MDGA1: variants seen among roughly 807,000 people sequenced by gnomAD.
MDGA1 encodes the protein MAM domain-containing glycosylphosphatidylinositol anchor protein 1.
A neutral mutation model predicts 101.5 loss-of-function variants in MDGA1; 54 were observed. That is an observed-to-expected ratio of 0.53 (90% CI 0.43 to 0.67). The LOEUF (loss-of-function observed/expected upper bound fraction) is 0.67. MDGA1 is among the 30% of genes least tolerant of loss of function. The pLI is 0.00. For missense variants in MDGA1, 1,083 were observed against 1,323.8 expected (o/e 0.82, Z 2.82); for synonymous variants, 533 against 558.3 (o/e 0.95, Z 0.64).
rs370135126 is a variant in MDGA1 at position 37,643,951 on chromosome 6, G to A, written c.2402-8C>T. The A allele has an allele frequency of 7.3e-5, 117 of 1,613,322 alleles. 1 individual carries two copies. In the Middle Eastern group the frequency reaches 1.7e-3, roughly 23 times the overall value. On this transcript the variant is annotated splice_region_variant and splice_polypyrimidine_tract_variant and intron_variant, in intron 13 of 16. Transcript: ENST00000434837. Reference sequence around the variant, plus strand: ...CGATGAACATGTAGTAGCCTGCGGGGAATGGGGAGATGCGCCAACAGCCCC... The same window carrying A: ...CGATGAACATGTAGTAGCCTGCGGGAAATGGGGAGATGCGCCAACAGCCCC...
intron 5 of MDGA1, 128 bp downstream of exon 5, chr6:37,654,672 C>G: frequency 6.5e-7 from 1 of 1,540,854 alleles, no homozygotes. Context: ...GAAGACGGAG[C>G]AGGAAGAGGA....
chr6:37,696,843 GGC>G lies in MDGA1; in HGVS notation c.-34_-33del. 6.5e-7 allele frequency: 1 copy of G among 1,550,258 alleles called. No homozygotes were observed. The highest frequency in any genetic ancestry group is 8.7e-7 in the Non-Finnish European group (1 of 1,145,166). ...GGCCGGTGCTTCATCCCCGCGAGGC[GGC>G]GCAGCCCGAGAGGCGGCGGGGGGCG... On this transcript the variant is annotated 5_prime_UTR_variant, in exon 1 of 17. It removes the in-frame stop codon of an upstream open reading frame in the 5' UTR. Transcript: ENST00000434837. This position sits in a 1 kb window ranked among gnomAD's most constrained non-coding sequence, Gnocchi z 5.6.
At position 37,696,857 on chromosome 6, in the gene MDGA1, G is replaced by A. The variant is rs1581640845; in HGVS notation, c.-46C>T. 6.6e-7 allele frequency: 1 copy of A among 1,510,290 alleles called. No individual in the cohort carries two copies. The highest frequency in any genetic ancestry group is 9.0e-7 in the Non-Finnish European group (1 of 1,110,806). 93.6% of individuals were successfully genotyped at this position (1,510,290 alleles called of 1,614,324 possible). ...CCCCGCGAGGCGGCGCAGCCCGAGAGGCGGCGGGGGGCGCATTCGCCGGGG... is the reference window on the plus strand; with the variant it reads ...CCCCGCGAGGCGGCGCAGCCCGAGAAGCGGCGGGGGGCGCATTCGCCGGGG... On this transcript the variant is annotated 5_prime_UTR_variant, in exon 1 of 17. Coordinates refer to ENST00000434837, the MANE Select transcript of MDGA1 (RefSeq NM_153487.4). This position sits in a 1 kb window ranked among gnomAD's most constrained non-coding sequence, Gnocchi z 5.6.
At chr6:37,668,770 C>T (rs1241147564) in intron 1 of MDGA1, among the ~76,000 whole-genome samples, 2 of 152,180 alleles carry the variant, frequency 1.3e-5, no homozygotes, top group Non-Finnish European at 2.9e-5. Flanking sequence ...GGCCTAACAC[C>T]GATTGCCCTT....
At position 37,638,877 on chromosome 6, in the gene MDGA1, A is replaced by G; in HGVS notation, c.2537-210T>C. 1 of 610,402 alleles carries G rather than the reference A, an allele frequency of 1.6e-6. No individual in the cohort carries two copies. Among genetic ancestry groups the G allele is most frequent in the South Asian group, 2.1e-5 (1 of 47,762 alleles). The allele number at this position is 610,402 out of a possible 1,614,324, so 37.8% of individuals were successfully genotyped here. On this transcript the variant is annotated intron_variant, in intron 14 of 16. Coordinates refer to ENST00000434837, the MANE Select transcript of MDGA1 (RefSeq NM_153487.4). This position sits in a 1 kb window ranked among gnomAD's most constrained non-coding sequence, Gnocchi z 4.8. ...GAAGACTTCAGCAGGATTTCATTTCATCAGGATGACTTGCAAATTTTCTTT... is the reference window on the plus strand; with the variant it reads ...GAAGACTTCAGCAGGATTTCATTTCGTCAGGATGACTTGCAAATTTTCTTT...
rs1763916371 is a variant in MDGA1, at chr6:37,635,791, A to C, written c.*1577T>G. The stretch of plus-strand genomic sequence containing the variant: ...CATAGGGGATGAAAGGTGGAATTTC[A>C]GGCCATCGCAGGCAGCTTGAGACTA... On this transcript the variant is annotated 3_prime_UTR_variant, in exon 17 of 17. Coordinates refer to ENST00000434837, the MANE Select transcript of MDGA1 (RefSeq NM_153487.4). 2.5e-6 allele frequency: 1 copy of C among 398,216 alleles called. No homozygotes were observed. The highest frequency in any genetic ancestry group is 2.1e-5 in the African/African-American group (1 of 48,660). The allele number at this position is 398,216 out of a possible 1,614,324, so 24.7% of individuals were successfully genotyped here.
intron 2 of MDGA1, among the ~76,000 whole-genome samples, chr6:37,661,901 T>C (rs547461695): frequency 4.0e-5 from 6 of 150,480 alleles, no homozygotes; most frequent in African/African-American, 1.5e-4. Flanking sequence ...ATGCCCGTAA[T>C]CCCCGCACTT....
In MDGA1 at chr6:37,652,904, T is replaced by C. The variant is rs1278726481; in HGVS notation, c.983-564A>G. On this transcript the variant is annotated intron_variant, in intron 6 of 16. Coordinates refer to ENST00000434837, the MANE Select transcript of MDGA1 (RefSeq NM_153487.4). This position sits in a 1 kb window ranked among gnomAD's most constrained non-coding sequence, Gnocchi z 4.3. ...TGAGGAGAATTGACAATTGAATTCT[T>C]ACATTTCACTCTTTTGTGCTGTTTG... Among the ~76,000 whole-genome samples the C allele has an allele frequency of 1.3e-5, 2 of 152,280 alleles. No individual in the cohort carries two copies. Among genetic ancestry groups the C allele is most frequent in the Admixed American group, 6.5e-5 (1 of 15,288 alleles).
chr6:37,644,373 T>C, intron 13 of MDGA1, 124 bp downstream of exon 13: 1 of 1,103,084 alleles, frequency 9.1e-7, no homozygotes, highest in Non-Finnish European at 1.2e-6. Flanking sequence ...CAGAGCTCCC[T>C]GAGAACAGGG....
chr6:37,696,237 C>T lies in MDGA1; in HGVS notation c.67+508G>A, dbSNP rs946168389. Among the ~76,000 whole-genome samples the T allele has an allele frequency of 2.0e-5, 3 of 152,214 alleles. No homozygotes were observed. Among genetic ancestry groups the T allele is most frequent in the African/African-American group, 7.2e-5 (3 of 41,458 alleles). ...GGCCAGGGGATGCCGGCATCCTGAT[C>T]AGGGTGTCAAGCCCTGAGTAGAAGA... On this transcript the variant is annotated intron_variant, in intron 1 of 16. Transcript: ENST00000434837. This position sits in a 1 kb window ranked among gnomAD's most constrained non-coding sequence, Gnocchi z 5.6.
chr6:37,637,187 G>C lies in MDGA1; in HGVS notation c.*181C>G, dbSNP rs1433401214. The C allele has an allele frequency of 1.7e-6, 1 of 575,778 alleles. No homozygotes were observed. The highest frequency in any genetic ancestry group is 2.9e-5 in the East Asian group (1 of 34,912). 35.7% of individuals were successfully genotyped at this position (575,778 alleles called of 1,614,324 possible). ...TGTGCAAGTGGAACAGCTGTCTCCA[G>C]GGCCTCAGTGCCTGGCCTCTGTCCT... On this transcript the variant is annotated 3_prime_UTR_variant, in exon 17 of 17. Coordinates refer to ENST00000434837, the MANE Select transcript of MDGA1 (RefSeq NM_153487.4).
At chr6:37,669,766 T>C (rs1761830572) in intron 1 of MDGA1, among the ~76,000 whole-genome samples, 1 of 152,172 alleles carries the variant, frequency 6.6e-6, no homozygotes, top group Non-Finnish European at 1.5e-5. Flanking sequence ...CACGATCCTT[T>C]CACTCAATCT....
intron 7 of MDGA1, among the ~76,000 whole-genome samples, chr6:37,650,786 T>C (rs1209289447): frequency 6.6e-6 from 1 of 152,234 alleles, no homozygotes; most frequent in Non-Finnish European, 1.5e-5. Context: ...CCTAGTGTGT[T>C]ATCACAGGCT....
In MDGA1 at chr6:37,658,427, G is replaced by A. The variant is rs767991825; in HGVS notation, c.208-8C>T. On this transcript the variant is annotated splice_region_variant and splice_polypyrimidine_tract_variant and intron_variant, in intron 2 of 16. Transcript: ENST00000434837. ...CGTCTTGGTCCACCGTACCTGGGCCGCCAGGCGGGGCAGAGTCAGACTGTC... is the reference window on the plus strand; with the variant it reads ...CGTCTTGGTCCACCGTACCTGGGCCACCAGGCGGGGCAGAGTCAGACTGTC... 1.3e-6 allele frequency: 2 copies of A among 1,599,012 alleles called. No homozygotes were observed. Among genetic ancestry groups the A allele is most frequent in the Non-Finnish European group, 8.5e-7 (1 of 1,172,576 alleles).
intron 8 of MDGA1, among the ~76,000 whole-genome samples, chr6:37,649,496 C>T (rs1266899091): frequency 6.6e-6 from 1 of 152,218 alleles, no homozygotes; most frequent in Non-Finnish European, 1.5e-5. Flanking sequence ...TTCCCAGACC[C>T]GGCCTCCAGT....
rs1338878569 is a variant in MDGA1 at position 37,647,296 on chromosome 6, G to A, written c.1923C>T (p.Phe641=). The part of the protein sequence containing the change: ...SAKAYSPEFY[F]DTPNPTRSHK... Reference sequence around the variant, plus strand: ...GGCTGCGGGTGGGGTTGGGGGTGTCGAAGTAAAACTCCGGGCTGTAGGCTT... The same window carrying A: ...GGCTGCGGGTGGGGTTGGGGGTGTCAAAGTAAAACTCCGGGCTGTAGGCTT... Residue 641 remains phenylalanine, a synonymous_variant, in exon 10 of 17, where the codon TTC becomes TTT. Coordinates refer to ENST00000434837, the MANE Select transcript of MDGA1 (RefSeq NM_153487.4). 2 of 1,552,288 alleles carry A rather than the reference G, an allele frequency of 1.3e-6. No homozygotes were observed. The highest frequency in any genetic ancestry group is 1.7e-6 in the Non-Finnish European group (2 of 1,147,452).
rs983337716 is a variant in MDGA1, at chr6:37,643,884, C to T, written c.2461G>A (p.Val821Met). The part of the protein sequence containing the change: ...PRELGDRARL[V>M]SPLYNASAKF... ...GCGCTGGCATTGTAGAGGGGACTCA[C>T]TAACCTTGCACGGTCCCCCAGCTCC... Residue 821 changes from valine to methionine, a missense_variant, in exon 14 of 17, where the codon GTG (valine) becomes ATG (methionine). Val to Met is a conservative substitution (Grantham distance 21). Around this residue, in one of 3 missense-constraint regions of MDGA1, gnomAD observed 657 missense variants for 771.4 expected, o/e 0.85. Transcript: ENST00000434837. The T allele has an allele frequency of 6.2e-7, 1 of 1,613,868 alleles. No individual in the cohort carries two copies. The highest frequency in any genetic ancestry group is 8.5e-7 in the Non-Finnish European group (1 of 1,179,888).
chr6:37,663,862 T>C (rs779639112), intron 2 of MDGA1, 105 bp downstream of exon 2: 150 of 1,276,128 alleles, frequency 1.2e-4, no homozygotes, highest in Admixed American at 2.3e-4. Flanking sequence ...GCCTCCATGC[T>C]GCGGTGCATC....
intron 7 of MDGA1, 27 bp downstream of exon 7, chr6:37,651,984 T>G: frequency 1.3e-6 from 2 of 1,526,344 alleles, no homozygotes; most frequent in Non-Finnish European, 1.8e-6. Flanking sequence ...CCCCTCACAT[T>G]TCCGCAGTGC....
Sources: allele counts gnomAD v4.1 joint callset (sites outside exome capture counted in the v4.1 genomes callset), GRCh38; gene constraint gnomAD v4.1.1; regional missense constraint gnomAD v4.1.1; non-coding constraint Gnocchi (gnomAD v3.1); transcripts MANE v1.5; gene names NCBI Gene and HGNC (gene_info 2026-07-23, HGNC 2026-07-21).